The following ZNF385B variants were observed in gnomAD, a reference collection of about 807,000 sequenced individuals.
The protein encoded by ZNF385B is zinc finger protein 533.
Under a neutral mutation model 39.2 loss-of-function variants are expected in ZNF385B, and 23 were observed. That is an observed-to-expected ratio of 0.59 (90% CI 0.42 to 0.83). The LOEUF (loss-of-function observed/expected upper bound fraction) is 0.83, where lower values mean the gene tolerates loss of function less well. ZNF385B is among the 40% of genes least tolerant of loss of function. The probability of loss-of-function intolerance (pLI) is 0.00; values close to 1 mark genes in which losing one functional copy is unlikely to be tolerated. For missense variants in ZNF385B, 552 were observed against 598.9 expected, an observed-to-expected ratio of 0.92 and a Z score of 0.82; for synonymous variants, 205 against 222.6, an observed-to-expected ratio of 0.92 and a Z score of 0.70.
intron 4 of ZNF385B, among the ~76,000 whole-genome samples, chr2:179,537,506 G>C (rs112190525): frequency 0.077 from 11,652 of 151,990 alleles, 637 homozygotes; most frequent in African/African-American, 0.15. Flanking sequence ...TTGGGAGGCT[G>C]AGACAGGCGG....
intron 3 of ZNF385B, among the ~76,000 whole-genome samples, chr2:179,607,272 C>T (rs1688884573): frequency 6.6e-6 from 1 of 152,062 alleles, no homozygotes; most frequent in Non-Finnish European, 1.5e-5. Context: ...GAATTGTAAT[C>T]CCCATGTGTT....
intron 3 of ZNF385B, among the ~76,000 whole-genome samples, chr2:179,561,157 A>G (rs2061311245): frequency 6.6e-6 from 1 of 152,220 alleles, no homozygotes; most frequent in Non-Finnish European, 1.5e-5. Context: ...CACACACCAC[A>G]ATAAGTAGTT....
chr2:179,488,247 T>C (rs1342820265), intron 5 of ZNF385B, among the ~76,000 whole-genome samples: 1 of 152,016 alleles, frequency 6.6e-6, no homozygotes, highest in Non-Finnish European at 1.5e-5. Context: ...CGGGTTCAAG[T>C]GATTCCCCTG....
intron 3 of ZNF385B, among the ~76,000 whole-genome samples, chr2:179,644,794 C>A (rs549022281): frequency 8.5e-5 from 13 of 152,182 alleles, no homozygotes; most frequent in Non-Finnish European, 1.9e-4. Context: ...TCTCCTTTTT[C>A]TTATTTTCCT....
At chr2:179,675,930 G>A (rs576591253) in intron 3 of ZNF385B, among the ~76,000 whole-genome samples, 1 of 151,952 alleles carries the variant, frequency 6.6e-6, no homozygotes, top group East Asian at 1.9e-4. Flanking sequence ...TGGGGTTACA[G>A]GCGCCCACCA....
intron 6 of ZNF385B, among the ~76,000 whole-genome samples, chr2:179,463,004 A>C (rs2051524692): frequency 6.6e-6 from 1 of 152,168 alleles, no homozygotes; most frequent in Admixed American, 6.6e-5. Context: ...GATTTGCTTA[A>C]ATTAGAAACA....
chr2:179,533,526 A>C (rs985191509), intron 4 of ZNF385B, among the ~76,000 whole-genome samples: 1 of 152,176 alleles, frequency 6.6e-6, no homozygotes, highest in African/African-American at 2.4e-5. Context: ...CAGCGAACTT[A>C]CAATTAGACG....
At chr2:179,725,046 T>C (rs1319207767) in intron 3 of ZNF385B, among the ~76,000 whole-genome samples, 1 of 152,144 alleles carries the variant, frequency 6.6e-6, no homozygotes, top group African/African-American at 2.4e-5. Flanking sequence ...AAAATAAGCA[T>C]TGTAATAAAT....
intron 3 of ZNF385B, among the ~76,000 whole-genome samples, chr2:179,609,284 G>C (rs1472333068): frequency 6.6e-6 from 1 of 151,976 alleles, no homozygotes; most frequent in Non-Finnish European, 1.5e-5. Flanking sequence ...GAGTTCAATT[G>C]TGTTAATTTT....
At chr2:179,846,374 T>C (rs1465275449) in intron 1 of ZNF385B, among the ~76,000 whole-genome samples, 1 of 152,226 alleles carries the variant, frequency 6.6e-6, no homozygotes, top group Non-Finnish European at 1.5e-5. Context: ...TATTTTCAAA[T>C]GGAAATTTGC....
rs1161516157 is a variant in ZNF385B, at chr2:179,657,331, G to A, written c.298+112172C>T. Among the ~76,000 whole-genome samples the A allele has an allele frequency of 8.5e-5, 13 of 152,268 alleles. No homozygotes were observed. The East Asian group carries it at 1.9e-3, about 23-fold the overall frequency. On this transcript the variant is annotated intron_variant, in intron 3 of 9. Coordinates refer to ENST00000410066, the MANE Select transcript of ZNF385B (RefSeq NM_152520.6). ...GAATTTGCTGTTTGGTTCCTTTCAGGCCTGTTTGCGTGTTCCCAACTGCTA... is the reference window on the plus strand; with the variant it reads ...GAATTTGCTGTTTGGTTCCTTTCAGACCTGTTTGCGTGTTCCCAACTGCTA...
chr2:179,801,774 C>G (rs1706051498), intron 1 of ZNF385B, among the ~76,000 whole-genome samples: 1 of 152,098 alleles, frequency 6.6e-6, no homozygotes, highest in African/African-American at 2.4e-5. Flanking sequence ...TGCATCTACA[C>G]AAAATCACAG....
chr2:179,682,109 G>T (rs1320134941), intron 3 of ZNF385B, among the ~76,000 whole-genome samples: 1 of 152,118 alleles, frequency 6.6e-6, no homozygotes, highest in Non-Finnish European at 1.5e-5. Context: ...ATTATGCTAA[G>T]GCTCCCATAA....
At chr2:179,567,914 G>C (rs574506525) in intron 3 of ZNF385B, among the ~76,000 whole-genome samples, 5 of 152,054 alleles carry the variant, frequency 3.3e-5, no homozygotes, top group Admixed American at 2.6e-4. Context: ...GGATCTTTCC[G>C]GGACCACTTA....
chr2:179,769,818 A>C lies in ZNF385B; in HGVS notation c.-2-16T>G, dbSNP rs1463040942. ...TACCTCATGCCTGAAAAACAAAACA[A>C]GTACAAGTGCTTCTGAAATGATATA... On this transcript the variant is annotated splice_polypyrimidine_tract_variant and intron_variant, in intron 2 of 9. Transcript: ENST00000410066. 2 of 1,577,112 alleles carry C rather than the reference A, an allele frequency of 1.3e-6. No individual in the cohort carries two copies. The highest frequency in any genetic ancestry group is 2.7e-5 in the African/African-American group (2 of 73,540).
chr2:179,657,634 C>G (rs1693942377), intron 3 of ZNF385B, among the ~76,000 whole-genome samples: 1 of 152,184 alleles, frequency 6.6e-6, no homozygotes, highest in Non-Finnish European at 1.5e-5. Flanking sequence ...ACGTAAATAA[C>G]TTTATAAAAC....
At chr2:179,661,848 T>C (rs551862639) in intron 3 of ZNF385B, among the ~76,000 whole-genome samples, 4 of 152,336 alleles carry the variant, frequency 2.6e-5, no homozygotes, top group African/African-American at 9.6e-5. Flanking sequence ...GTTCCCTCAG[T>C]TGAGTGATAT....
chr2:179,785,113 T>G (rs1704913319), intron 1 of ZNF385B, among the ~76,000 whole-genome samples: 1 of 151,976 alleles, frequency 6.6e-6, no homozygotes, highest in Non-Finnish European at 1.5e-5. Context: ...AGTCCAGAAG[T>G]TTACAAATTA....
At chr2:179,698,738 A>G (rs1698953576) in intron 3 of ZNF385B, among the ~76,000 whole-genome samples, 3 of 152,180 alleles carry the variant, frequency 2.0e-5, no homozygotes, top group Admixed American at 1.3e-4. Flanking sequence ...CAACTTCCAG[A>G]TATCAGAAGT....
Sources: allele counts gnomAD v4.1 joint callset (sites outside exome capture counted in the v4.1 genomes callset), GRCh38; gene constraint gnomAD v4.1.1; transcripts MANE v1.5; gene names NCBI Gene and HGNC (gene_info 2026-07-23, HGNC 2026-07-21).